Variants in DIAPH2 observed in about 807,000 individuals in gnomAD.
DIAPH2 encodes the protein diaphanous related formin 2, also known as protein diaphanous homolog 2.
In DIAPH2, 35 loss-of-function variants were observed where a neutral mutation model predicts 92.7. The ratio of observed to expected loss-of-function variants is 0.38; its 90% CI spans 0.29 to 0.50. DIAPH2 has a LOEUF of 0.50. Among genes scored for constraint, DIAPH2 ranks in the 20% least tolerant of loss-of-function variants. The probability of loss-of-function intolerance (pLI) is 0.94; values close to 1 mark genes in which losing one functional copy is unlikely to be tolerated. For synonymous variants in DIAPH2, 301 were observed against 280.4 expected, an observed-to-expected ratio of 1.07 and a Z score of -0.73; for missense variants, 701 against 819.5, an observed-to-expected ratio of 0.86 and a Z score of 1.77.
chrX:96,820,370 C>T (rs757492066), intron 4 of DIAPH2, among the ~76,000 whole-genome samples: 18 of 110,791 alleles, frequency 1.6e-4, no homozygotes, highest in Non-Finnish European at 3.2e-4. Context: ...CTTGGGGGAC[C>T]GAGGTGGGGG....
chrX:96,885,691 T>TG (rs3138320), intron 5 of DIAPH2, among the ~76,000 whole-genome samples: 3,484 of 111,280 alleles, frequency 0.031, 153 homozygotes, highest in African/African-American at 0.11. Flanking sequence ...GATTATACTG[T>TG]GTTTAAATAA....
intron 5 of DIAPH2, among the ~76,000 whole-genome samples, chrX:96,897,283 G>A (rs1365864457): frequency 4.5e-5 from 5 of 111,227 alleles, no homozygotes; most frequent in Admixed American, 2.9e-4. Context: ...CCCAAGCAGT[G>A]TACATTCATT....
chrX:97,498,452 A>G, intron 26 of DIAPH2, among the ~76,000 whole-genome samples: 1 of 111,641 alleles, frequency 9.0e-6, no homozygotes, highest in African/African-American at 3.3e-5. Context: ...CAATCTATAG[A>G]TAGTTTTCTT....
chrX:96,980,306 G>C (rs1187099361), intron 17 of DIAPH2, among the ~76,000 whole-genome samples: 2 of 111,101 alleles, frequency 1.8e-5, no homozygotes, highest in Non-Finnish European at 3.8e-5. Flanking sequence ...GGAGCAGGAA[G>C]GTATTTGTCC....
At chrX:97,442,583 T>C (rs1259458071) in intron 26 of DIAPH2, 2 of 112,573 alleles carry the variant, frequency 1.8e-5, no homozygotes, top group Non-Finnish European at 3.7e-5. Context: ...TTATTAAGTA[T>C]TTTCCTAAAT....
chrX:97,321,106 C>T lies in DIAPH2; in HGVS notation c.2845-27010C>T, dbSNP rs778339957. On this transcript the variant is annotated intron_variant, in intron 23 of 26. Transcript: ENST00000324765. ...TATACAATTCTTTAATAGCTGGAGA[C>T]GGAAAAGAGAGTGCTAGATGGAGAA... Among the ~76,000 whole-genome samples the T allele has an allele frequency of 1.4e-4, 16 of 111,184 alleles. No individual in the cohort carries two copies. In the South Asian group the frequency reaches 3.8e-3, roughly 26 times the overall value.
intron 3 of DIAPH2, among the ~76,000 whole-genome samples, chrX:96,741,296 A>T (rs1298256246): frequency 9.3e-6 from 1 of 107,924 alleles, no homozygotes; most frequent in Non-Finnish European, 1.9e-5. Context: ...GAAGCAAAGC[A>T]CCTCACAATA....
At chrX:97,367,090 C>T (rs5921802) in intron 24 of DIAPH2, among the ~76,000 whole-genome samples, 7,776 of 111,143 alleles carry the variant, frequency 0.07, 337 homozygotes, top group African/African-American at 0.16. Context: ...ATTTGTCCAA[C>T]ATGTTAAGCC....
At chrX:97,214,919 G>A (rs2067871571) in intron 22 of DIAPH2, among the ~76,000 whole-genome samples, 1 of 107,625 alleles carries the variant, frequency 9.3e-6, no homozygotes, top group Non-Finnish European at 1.9e-5. Flanking sequence ...TTTTCCTTGA[G>A]TTAGACAGAG....
chrX:97,599,300 G>T lies in DIAPH2; in HGVS notation c.3289G>T (p.Ala1097Ser). The T allele has an allele frequency of 8.4e-7, 1 of 1,186,377 alleles. No homozygotes were observed. Among genetic ancestry groups the T allele is most frequent in the East Asian group, 3.0e-5 (1 of 33,131 alleles). Reference protein sequence around the residue: ...LERSRSRHNGAISSK With the variant: ...LERSRSRHNGSISSK ...AAGGTCACGCTCTCGCCACAATGGA[G>T]CTATCTCATCTAAGTGATTCCTGAT... The change falls in exon 27 of 27, where the codon GCT (alanine) becomes TCT (serine). Residue 1097 changes from alanine (A) to serine (S), a missense_variant. Transcript: ENST00000324765.
Position 96,697,876 on chromosome X carries a change from CAA to C in DIAPH2, c.132+12698_132+12699del, listed in dbSNP as rs371709090. Among the ~76,000 whole-genome samples the C allele has an allele frequency of 2.6e-3, 249 of 94,130 alleles. 3 individuals are homozygous for C. Among genetic ancestry groups the C allele is most frequent in the African/African-American group, 8.8e-3 (235 of 26,769 alleles). 81.7% of individuals were successfully genotyped at this position (94,130 alleles called of 115,157 possible). A position where few individuals can be genotyped will look rare whatever the true frequency, so the allele number is the denominator to read the frequency against. ...GGGCCATTCGTTTTAGTGCCATTGT[CAA>C]AAAAAAAAAAATTCTTTGAATCACT... On this transcript the variant is annotated intron_variant, in intron 1 of 26. Coordinates refer to ENST00000324765, the MANE Select transcript of DIAPH2 (RefSeq NM_006729.5).
chrX:96,708,236 C>G (rs1231241331), intron 1 of DIAPH2, among the ~76,000 whole-genome samples: 2 of 62,498 alleles, frequency 3.2e-5, no homozygotes, highest in Non-Finnish European at 5.6e-5. Context: ...CCCCACCCCC[C>G]ACCCAGATCA....
chrX:97,144,639 T>G (rs1490799067), intron 22 of DIAPH2, among the ~76,000 whole-genome samples: 1 of 110,203 alleles, frequency 9.1e-6, no homozygotes, highest in Non-Finnish European at 1.9e-5. Context: ...TATATATATA[T>G]TTTATATAGT....
chrX:97,501,314 A>G (rs2070796536), intron 26 of DIAPH2, among the ~76,000 whole-genome samples: 2 of 111,947 alleles, frequency 1.8e-5, no homozygotes, highest in African/African-American at 6.5e-5. Context: ...GAATGACCTC[A>G]TCTAGTCTCT....
intron 5 of DIAPH2, among the ~76,000 whole-genome samples, chrX:96,899,619 G>A (rs1419839847): frequency 5.4e-5 from 6 of 111,385 alleles, no homozygotes; most frequent in Admixed American, 1.9e-4. Flanking sequence ...AGCTTAAGGA[G>A]ATTTTGGGCT....
intron 19 of DIAPH2, among the ~76,000 whole-genome samples, chrX:97,094,453 C>A (rs905721869): frequency 1.1e-4 from 12 of 112,001 alleles, no homozygotes; most frequent in African/African-American, 3.6e-4. Context: ...CATCGATTTT[C>A]AATGCTTGTG....
chrX:97,393,438 T>A (rs1389261992), intron 25 of DIAPH2, among the ~76,000 whole-genome samples: 2 of 112,070 alleles, frequency 1.8e-5, no homozygotes, highest in Non-Finnish European at 3.8e-5. Context: ...ATAATTATAA[T>A]TAGAGCATGC....
chrX:97,539,286 T>G (rs1479993571), intron 26 of DIAPH2, among the ~76,000 whole-genome samples: 1 of 111,172 alleles, frequency 9.0e-6, no homozygotes, highest in African/African-American at 3.3e-5. Flanking sequence ...TCAATTATGA[T>G]TAGAGTAGAT....
intron 4 of DIAPH2, among the ~76,000 whole-genome samples, chrX:96,827,552 G>A (rs1569406647): frequency 2.7e-5 from 3 of 111,777 alleles, no homozygotes; most frequent in South Asian, 7.6e-4. Flanking sequence ...TGTGTTACAG[G>A]GACAAACCTT....
Sources: gnomAD v4.1 joint callset for allele counts (sites outside exome capture counted in the v4.1 genomes callset) on GRCh38, gnomAD v4.1.1 for gene constraint, MANE v1.5 for transcripts, NCBI Gene and HGNC (gene_info 2026-07-23, HGNC 2026-07-21) for gene names.